The following RIMS2 variants were observed in gnomAD, a reference collection of about 807,000 sequenced individuals.
RIMS2 encodes regulating synaptic membrane exocytosis protein 2.
RIMS2 carries 59 observed loss-of-function variants against 174.4 expected under a neutral mutation model. The observed-to-expected ratio is 0.34, with a 90% CI of 0.27 to 0.42. RIMS2 has a LOEUF of 0.42. Ranked by LOEUF, RIMS2 falls within the 10% of genes least tolerant of loss-of-function variation. The probability of loss-of-function intolerance (pLI) is 1.00; values close to 1 mark genes in which losing one functional copy is unlikely to be tolerated. For synonymous variants in RIMS2, 606 were observed against 572.5 expected (o/e 1.06, Z -0.84); for missense variants, 1,620 against 1,666.3 (o/e 0.97, Z 0.48).
chr8:103,648,471 G>T (rs989941782), intron 1 of RIMS2, among the ~76,000 whole-genome samples: 8 of 152,092 alleles, frequency 5.3e-5, no homozygotes, highest in African/African-American at 1.9e-4. Context: ...TTGATTCAGA[G>T]CTGAGTTCAG....
At chr8:104,161,179 A>ATAT (rs1276331141) in intron 19 of RIMS2, among the ~76,000 whole-genome samples, 1 of 152,112 alleles carries the variant, frequency 6.6e-6, no homozygotes, top group Non-Finnish European at 1.5e-5. Context: ...GTTATCATTA[A>ATAT]TATTATTATT....
chr8:104,083,497 A>G (rs1236637716), intron 19 of RIMS2, among the ~76,000 whole-genome samples: 3 of 152,206 alleles, frequency 2.0e-5, no homozygotes, highest in African/African-American at 4.8e-5. Context: ...TTAAACATTC[A>G]TAAAAATCAT....
At chr8:103,992,829 C>G (rs1387397237) in intron 17 of RIMS2, among the ~76,000 whole-genome samples, 6 of 152,284 alleles carry the variant, frequency 3.9e-5, no homozygotes, top group East Asian at 1.9e-4. Context: ...TTAAGCATAT[C>G]TTTCATCTCC....
intron 1 of RIMS2, among the ~76,000 whole-genome samples, chr8:103,598,182 G>T (rs1417038894): frequency 6.6e-6 from 1 of 152,136 alleles, no homozygotes; most frequent in Non-Finnish European, 1.5e-5. Flanking sequence ...ATTTCCCGTA[G>T]AAACCTTTAA....
chr8:103,788,344 A>C (rs375148124), intron 3 of RIMS2, among the ~76,000 whole-genome samples: 67 of 144,958 alleles, frequency 4.6e-4, no homozygotes, highest in Non-Finnish European at 8.0e-4. Context: ...GAGGAGAGGC[A>C]CTCTGCTTTT....
chr8:103,921,015 C>CAACAAT, intron 9 of RIMS2: 1 of 224,016 alleles, frequency 4.5e-6, no homozygotes, highest in Non-Finnish European at 8.8e-6. Flanking sequence ...ACAACAACAA[C>CAACAAT]AACAACAACA....
intron 19 of RIMS2, among the ~76,000 whole-genome samples, chr8:104,191,906 C>A (rs994752816): frequency 2.6e-5 from 4 of 151,994 alleles, no homozygotes; most frequent in African/African-American, 4.8e-5. Context: ...TGCCCAGTCA[C>A]AAAATTATAT....
At chr8:104,141,604 C>T (rs2098574871) in intron 19 of RIMS2, among the ~76,000 whole-genome samples, 1 of 152,214 alleles carries the variant, frequency 6.6e-6, no homozygotes, top group East Asian at 1.9e-4. Flanking sequence ...CAGTTAAATA[C>T]GAGTAAGTCG....
chr8:103,694,870 G>A (rs989366858), intron 1 of RIMS2, among the ~76,000 whole-genome samples: 3 of 152,138 alleles, frequency 2.0e-5, no homozygotes, highest in Non-Finnish European at 4.4e-5. Flanking sequence ...GATTGGGCAG[G>A]CCCAAAGACC....
chr8:104,118,428 G>A (rs554131378), intron 19 of RIMS2, among the ~76,000 whole-genome samples: 22 of 148,426 alleles, frequency 1.5e-4, no homozygotes, highest in Middle Eastern at 7.1e-3. Context: ...GTGTAGTGGC[G>A]CAATCTCAGC....
At chr8:103,860,667 A>G (rs2099053816) in intron 3 of RIMS2, among the ~76,000 whole-genome samples, 1 of 151,342 alleles carries the variant, frequency 6.6e-6, no homozygotes, top group Admixed American at 6.6e-5. Flanking sequence ...GAGGTAAACT[A>G]GAGATTAAAA....
At position 104,048,452 on chromosome 8, in the gene RIMS2, A is replaced by T. The variant is rs549875728; in HGVS notation, c.3334+33837A>T. 2.6e-3 allele frequency among the ~76,000 whole-genome samples: 396 copies of T among 152,324 alleles called. 1 individual carries two copies. The highest frequency in any genetic ancestry group is 5.1e-3 in the Non-Finnish European group (349 of 68,000). On this transcript the variant is annotated intron_variant, in intron 19 of 23. Transcript: ENST00000504942. ...AAAATTATAAAAAAACCATGGTAAG[A>T]GTGTGATAACAGAGTAGCAGTGAAA...
intron 1 of RIMS2, among the ~76,000 whole-genome samples, chr8:103,606,714 G>T (rs2095108448): frequency 6.6e-6 from 1 of 152,122 alleles, no homozygotes; most frequent in African/African-American, 2.4e-5. Flanking sequence ...ATTTAGGATA[G>T]TTAGCTCTTC....
At chr8:103,680,048 A>C (rs2136655873) in intron 1 of RIMS2, among the ~76,000 whole-genome samples, 1 of 152,222 alleles carries the variant, frequency 6.6e-6, no homozygotes, top group African/African-American at 2.4e-5. Context: ...GGTGCTTTAC[A>C]GAAAAAGTTT....
intron 2 of RIMS2, among the ~76,000 whole-genome samples, chr8:103,763,157 A>G (rs1459315954): frequency 6.6e-6 from 1 of 152,056 alleles, no homozygotes; most frequent in Non-Finnish European, 1.5e-5. Context: ...GGAAAATACT[A>G]GGAGGCATGG....
At chr8:103,618,037 A>G (rs1476736190) in intron 1 of RIMS2, among the ~76,000 whole-genome samples, 1 of 152,170 alleles carries the variant, frequency 6.6e-6, no homozygotes, top group Non-Finnish European at 1.5e-5. Context: ...ACAGGTATGC[A>G]AATGTTCATT....
intron 15 of RIMS2, among the ~76,000 whole-genome samples, chr8:103,965,306 C>CT (rs2091512840): frequency 6.6e-6 from 1 of 151,910 alleles, no homozygotes; most frequent in Non-Finnish European, 1.5e-5. Flanking sequence ...TTATTTAGTT[C>CT]TTTTTTATTT....
intron 2 of RIMS2, among the ~76,000 whole-genome samples, chr8:103,761,536 C>T (rs1388968094): frequency 6.6e-6 from 1 of 152,148 alleles, no homozygotes; most frequent in African/African-American, 2.4e-5. Flanking sequence ...CTTGGCTGAA[C>T]AGCATGAAGA....
intron 1 of RIMS2, among the ~76,000 whole-genome samples, chr8:103,607,408 G>A (rs1022607003): frequency 4.0e-5 from 6 of 151,816 alleles, no homozygotes; most frequent in African/African-American, 4.8e-5. Flanking sequence ...AGGGTAACCC[G>A]ACCTTTCTCT....
Sources: allele counts gnomAD v4.1 joint callset (sites outside exome capture counted in the v4.1 genomes callset), GRCh38; gene constraint gnomAD v4.1.1; transcripts MANE v1.5; gene names NCBI Gene and HGNC (gene_info 2026-07-23, HGNC 2026-07-21).